ADGRD1: variants seen among roughly 807,000 people sequenced by gnomAD.
ADGRD1 encodes G-protein coupled receptor 133.
A neutral mutation model predicts 113.4 loss-of-function variants in ADGRD1; 77 were observed. That is an observed-to-expected ratio of 0.68 (90% CI 0.57 to 0.82). The LOEUF (loss-of-function observed/expected upper bound fraction) is 0.82. Ranked by LOEUF, ADGRD1 falls within the 40% of genes least tolerant of loss-of-function variation. The pLI, the probability that ADGRD1 is intolerant of heterozygous loss-of-function variation, is 0.00. For synonymous variants in ADGRD1, 474 were observed against 475.0 expected (o/e 1.00, Z 0.03); for missense variants, 1,036 against 1,139.1 (o/e 0.91, Z 1.30).
intron 13 of ADGRD1, chr12:131,070,938 G>C (rs1593160006): frequency 1.9e-6 from 1 of 519,006 alleles, no homozygotes; most frequent in South Asian, 1.4e-5. Flanking sequence ...GGGTCAGAGT[G>C]GGCCTGAGAA....
chr12:131,021,893 G>T (rs1233045996), intron 13 of ADGRD1, among the ~76,000 whole-genome samples: 1 of 152,126 alleles, frequency 6.6e-6, no homozygotes, highest in Non-Finnish European at 1.5e-5. Flanking sequence ...TATTTGTAGA[G>T]ATGAGATCTC....
intron 16 of ADGRD1, 100 bp downstream of exon 16, chr12:131,105,034 G>T (rs911442445): frequency 1.3e-5 from 11 of 828,604 alleles, no homozygotes; most frequent in Non-Finnish European, 2.1e-5. Flanking sequence ...GGCTGTGGAG[G>T]TAAGAGCACC....
rs146601703 is a variant in ADGRD1 at position 131,076,571 on chromosome 12, G to A, written c.1474-230G>A. The stretch of plus-strand genomic sequence containing the variant: ...GAGGAGTGTCCTAGAGGGAGGGCCC[G>A]GCACCTGCCAGGGCCCTTGGGTGGG... On this transcript the variant is annotated intron_variant, in intron 13 of 24. Coordinates refer to ENST00000261654, the MANE Select transcript of ADGRD1 (RefSeq NM_198827.5). Among the ~76,000 whole-genome samples the A allele has an allele frequency of 5.2e-3, 793 of 152,130 alleles. 4 individuals carry two copies. Among genetic ancestry groups the A allele is most frequent in the Admixed American group, 8.9e-3 (136 of 15,300 alleles).
intron 4 of ADGRD1, among the ~76,000 whole-genome samples, chr12:130,976,033 G>A (rs1039310022): frequency 2.0e-5 from 3 of 152,184 alleles, no homozygotes; most frequent in South Asian, 2.1e-4. Flanking sequence ...CTGAGGTCCC[G>A]AGGCAGCAGC....
chr12:131,004,217 C>T lies in ADGRD1; in HGVS notation c.1176C>T (p.Thr392=), dbSNP rs369886428. 2.5e-4 allele frequency: 397 copies of T among 1,613,992 alleles called. 1 individual carries two copies. The highest frequency in any genetic ancestry group is 4.2e-4 in the East Asian group (19 of 44,868). The change falls in exon 11 of 25, where the codon ACC becomes ACT. Residue 392 remains threonine, a synonymous_variant. Coordinates refer to ENST00000261654, the MANE Select transcript of ADGRD1 (RefSeq NM_198827.5). ...CCGTGGCCAAAATCCTGCCCAAGAC[C>T]GTGAATTCCTCCCATTACCGCTTCC... ...EFSVAKILPK[T]VNSSHYRFPA...
chr12:131,041,451 AC>A lies in ADGRD1; in HGVS notation c.1473+27115del, dbSNP rs1259427967. Among the ~76,000 whole-genome samples the A allele has an allele frequency of 6.6e-6, 1 of 152,048 alleles. No homozygotes were observed. Among genetic ancestry groups the A allele is most frequent in the Non-Finnish European group, 1.5e-5 (1 of 67,984 alleles). On this transcript the variant is annotated intron_variant, in intron 13 of 24. Coordinates refer to ENST00000261654, the MANE Select transcript of ADGRD1 (RefSeq NM_198827.5). This position sits in a 1 kb window ranked among gnomAD's most constrained non-coding sequence, Gnocchi z 4.4. ...CCACCTGAAGCGGCTTTTGCCTCCC[AC>A]CCCACCCTTGAGGGTATAACTAGTG...
chr12:131,118,191 T>C (rs1040010340), intron 18 of ADGRD1, among the ~76,000 whole-genome samples, 194 bp from the exon 19 acceptor site: 1 of 152,234 alleles, frequency 6.6e-6, no homozygotes, highest in African/African-American at 2.4e-5. Flanking sequence ...GTGTGTGTGT[T>C]ATTCCTTTGT....
At chr12:131,028,474 T>C (rs185265642) in intron 13 of ADGRD1, among the ~76,000 whole-genome samples, 414 of 152,316 alleles carry the variant, frequency 2.7e-3, no homozygotes, top group Non-Finnish European at 4.1e-3. Flanking sequence ...CAAGCTCTTC[T>C]GTATTCAGTG....
At chr12:131,129,386 G>A (rs1950846825) in intron 20 of ADGRD1, among the ~76,000 whole-genome samples, 2 of 130,116 alleles carry the variant, frequency 1.5e-5, no homozygotes, top group South Asian at 2.8e-4. Flanking sequence ...CTGGGTGTGA[G>A]TGACAGGCCC....
chr12:131,104,630 T>C (rs572870046), intron 15 of ADGRD1, among the ~76,000 whole-genome samples: 19 of 152,120 alleles, frequency 1.2e-4, no homozygotes, highest in African/African-American at 3.4e-4. Flanking sequence ...GCACCGGACA[T>C]GCACGCACAG....
rs920511047 is a variant in ADGRD1, at chr12:131,096,544, T to G, written c.1672-8287T>G. Among the ~76,000 whole-genome samples the G allele has an allele frequency of 2.0e-5, 3 of 152,228 alleles. No individual in the cohort carries two copies. Among genetic ancestry groups the G allele is most frequent in the African/African-American group, 7.2e-5 (3 of 41,448 alleles). ...TGGACACTGAAGTCATGGTGGTCTTTGGCCGCAGCAAATAACCAGCATCCT... is the reference window on the plus strand; with the variant it reads ...TGGACACTGAAGTCATGGTGGTCTTGGGCCGCAGCAAATAACCAGCATCCT... On this transcript the variant is annotated intron_variant, in intron 15 of 24. Coordinates refer to ENST00000261654, the MANE Select transcript of ADGRD1 (RefSeq NM_198827.5). This position sits in a 1 kb window ranked among gnomAD's most constrained non-coding sequence, Gnocchi z 5.2.
chr12:131,076,463 C>G (rs898698204), intron 13 of ADGRD1, among the ~76,000 whole-genome samples: 2 of 152,020 alleles, frequency 1.3e-5, no homozygotes, highest in East Asian at 3.9e-4. Context: ...TGGGGAAGAG[C>G]CTGTGGCTAC....
intron 6 of ADGRD1, chr12:130,989,394 T>C (rs947416037): frequency 1.3e-5 from 2 of 152,216 alleles, no homozygotes; most frequent in African/African-American, 2.4e-5. Flanking sequence ...CAGAATCCCA[T>C]TGCACCTGGT....
At chr12:131,085,727 T>C (rs1397857853) in intron 15 of ADGRD1, among the ~76,000 whole-genome samples, 2 of 152,106 alleles carry the variant, frequency 1.3e-5, no homozygotes, top group Non-Finnish European at 2.9e-5. Context: ...GGCAGATGTG[T>C]TGGGAAACGG....
Position 131,004,271 on chromosome 12 carries a change from C to G in ADGRD1, c.1230C>G (p.Ile410Met), listed in dbSNP as rs1422296691. ...FPAHGQSFIQIPHEAFHRHAW... is the reference protein window; with the variant it reads ...FPAHGQSFIQMPHEAFHRHAW... Reference sequence around the variant, plus strand: ...CCCACGGGCAGAGCTTCATCCAGATCCCCCACGAGGCCTTCCACAGGCACG... The same window carrying G: ...CCCACGGGCAGAGCTTCATCCAGATGCCCCACGAGGCCTTCCACAGGCACG... The change falls in exon 11 of 25, where the codon ATC becomes ATG. Residue 410 changes from isoleucine to methionine, a missense_variant. Physicochemically the swap from Ile to Met is conservative, Grantham distance 10 (BLOSUM62 1). Transcript: ENST00000261654. The G allele has an allele frequency of 6.2e-7, 1 of 1,613,084 alleles. No individual in the cohort carries two copies. The highest frequency in any genetic ancestry group is 1.3e-5 in the African/African-American group (1 of 74,872).
chr12:131,135,209 A>C (rs978596970), intron 21 of ADGRD1, among the ~76,000 whole-genome samples: 1 of 152,200 alleles, frequency 6.6e-6, no homozygotes, highest in Admixed American at 6.5e-5. Flanking sequence ...GGACGTCTGC[A>C]TACCCTCTGG....
Position 130,966,640 on chromosome 12 carries a change from A to ACGTCCCCCAATGGCCCT in ADGRD1, c.187+94_187+95insCGTCCCCCAATGGCCCT. On this transcript the variant is annotated intron_variant, in intron 3 of 24. Transcript: ENST00000261654. The surrounding 1 kb of genome is among the most constrained non-coding windows in gnomAD (Gnocchi z 4.6). The stretch of plus-strand genomic sequence containing the variant: ...TGAGAGTGGCTGGCCTTGAAATCCC[A>ACGTCCCCCAATGGCCCT]GGGCCATTGGGGGACGTGGGTGCTG... 1 of 810,276 alleles carries ACGTCCCCCAATGGCCCT rather than the reference A, an allele frequency of 1.2e-6. No homozygotes were observed. Among genetic ancestry groups the ACGTCCCCCAATGGCCCT allele is most frequent in the Non-Finnish European group, 2.2e-6 (1 of 455,792 alleles). 50.2% of individuals were successfully genotyped at this position (810,276 alleles called of 1,614,324 possible).
At chr12:131,052,787 A>T (rs1253558536) in intron 13 of ADGRD1, among the ~76,000 whole-genome samples, 2 of 152,140 alleles carry the variant, frequency 1.3e-5, no homozygotes, top group Non-Finnish European at 2.9e-5. Context: ...CTCCAAGAGG[A>T]TGCTGTGGTT....
intron 8 of ADGRD1, among the ~76,000 whole-genome samples, chr12:130,999,148 C>G (rs1292144638): frequency 6.6e-6 from 1 of 152,234 alleles, no homozygotes. Context: ...ATAGACTGCT[C>G]TGGATCAAGA....
Sources: gnomAD v4.1 joint callset for allele counts (sites outside exome capture counted in the v4.1 genomes callset) on GRCh38, gnomAD v4.1.1 for gene constraint, Gnocchi (gnomAD v3.1) non-coding constraint, MANE v1.5 for transcripts, NCBI Gene and HGNC (gene_info 2026-07-23, HGNC 2026-07-21) for gene names.